Variants in GABRG3 observed in about 807,000 individuals in gnomAD.
GABRG3 encodes gamma-aminobutyric acid receptor subunit gamma-3.
In GABRG3, 25 loss-of-function variants were observed where a neutral mutation model predicts 48.8. The ratio of observed to expected loss-of-function variants is 0.51; its 90% confidence interval spans 0.37 to 0.72. GABRG3 has a LOEUF of 0.72. Among genes scored for constraint, GABRG3 ranks in the 30% least tolerant of loss-of-function variants. The pLI is 0.00. For synonymous variants in GABRG3, 227 were observed against 217.6 expected (o/e 1.04, Z -0.38); for missense variants, 394 against 577.9 (o/e 0.68, Z 3.26).
chr15:27,035,589 C>G (rs148820859), intron 3 of GABRG3, among the ~76,000 whole-genome samples: 87 of 152,276 alleles, frequency 5.7e-4, no homozygotes, highest in African/African-American at 2.0e-3. Context: ...GTTGGGCCCC[C>G]TATTAGCACA....
At chr15:27,263,076 T>G (rs1323094431) in intron 3 of GABRG3, among the ~76,000 whole-genome samples, 1 of 152,114 alleles carries the variant, frequency 6.6e-6, no homozygotes, top group Non-Finnish European at 1.5e-5. Flanking sequence ...CCCACTTAGG[T>G]CAATGCCAGG....
intron 3 of GABRG3, among the ~76,000 whole-genome samples, chr15:27,088,640 A>G (rs1423295852): frequency 6.6e-6 from 1 of 151,882 alleles, no homozygotes; most frequent in Admixed American, 6.6e-5. Flanking sequence ...GGCGAGGGGG[A>G]AGCGGGCTTC....
chr15:27,509,337 G>C (rs924180548), intron 6 of GABRG3, among the ~76,000 whole-genome samples: 5 of 115,784 alleles, frequency 4.3e-5, no homozygotes, highest in African/African-American at 2.0e-4. Flanking sequence ...TTATTTGTTT[G>C]TTTTCTTTTG....
intron 5 of GABRG3, among the ~76,000 whole-genome samples, chr15:27,381,123 C>G (rs1428398138): frequency 6.6e-6 from 1 of 152,052 alleles, no homozygotes; most frequent in Admixed American, 6.6e-5. Flanking sequence ...TGGGCTGTGA[C>G]CTTCATAAAC....
At chr15:27,225,411 G>C (rs1303125422) in intron 3 of GABRG3, among the ~76,000 whole-genome samples, 1 of 152,062 alleles carries the variant, frequency 6.6e-6, no homozygotes, top group East Asian at 1.9e-4. Flanking sequence ...CAATTGTTTA[G>C]TCTGAAGATT....
At chr15:27,126,005 A>T (rs1480187401) in intron 3 of GABRG3, among the ~76,000 whole-genome samples, 2 of 152,248 alleles carry the variant, frequency 1.3e-5, no homozygotes, top group African/African-American at 4.8e-5. Context: ...CATGCAACTC[A>T]GCAGAGATGA....
intron 5 of GABRG3, among the ~76,000 whole-genome samples, chr15:27,374,460 A>G (rs1024957857): frequency 1.3e-4 from 20 of 152,132 alleles, no homozygotes; most frequent in African/African-American, 4.3e-4. Flanking sequence ...CCAATTTGAA[A>G]TTTAGGAATC....
chr15:27,323,984 C>T (rs72703809), intron 3 of GABRG3, among the ~76,000 whole-genome samples: 7 of 152,270 alleles, frequency 4.6e-5, no homozygotes, highest in Admixed American at 1.3e-4. Context: ...TTCACTTCAT[C>T]GTGAGTGATG....
At chr15:27,097,940 CTTTTT>C (rs11305962) in intron 3 of GABRG3, among the ~76,000 whole-genome samples, 2 of 141,802 alleles carry the variant, frequency 1.4e-5, no homozygotes, top group Non-Finnish European at 3.1e-5. Context: ...ATCTATTATT[CTTTTT>C]TTTTTTAAAT....
intron 5 of GABRG3, among the ~76,000 whole-genome samples, chr15:27,342,096 C>T (rs865862873): frequency 1.3e-5 from 2 of 152,300 alleles, no homozygotes; most frequent in Admixed American, 6.5e-5. Context: ...GCCACTGCCA[C>T]GTCATCGCAG....
At chr15:27,026,245 A>G (rs1305525173) in intron 2 of GABRG3, among the ~76,000 whole-genome samples, 1 of 152,142 alleles carries the variant, frequency 6.6e-6, no homozygotes, top group East Asian at 1.9e-4. Flanking sequence ...CTCATTTTTT[A>G]TTGGTGTATA....
intron 3 of GABRG3, among the ~76,000 whole-genome samples, chr15:27,296,674 C>T (rs1037221115): frequency 6.6e-6 from 1 of 152,078 alleles, no homozygotes; most frequent in African/African-American, 2.4e-5. Flanking sequence ...AAGCATTACA[C>T]GGTGTTGGTG....
intron 5 of GABRG3, among the ~76,000 whole-genome samples, chr15:27,450,179 T>C (rs72707636): frequency 0.016 from 2,385 of 152,304 alleles, 43 homozygotes; most frequent in South Asian, 0.083. Context: ...AAGAAAAACC[T>C]GTCTTTTGCA....
Position 26,977,003 on chromosome 15 carries a change from T to C in GABRG3, c.55T>C (p.Ser19Pro). The C allele has an allele frequency of 6.2e-7, 1 of 1,613,852 alleles. No homozygotes were observed. Among genetic ancestry groups the C allele is most frequent in the Non-Finnish European group, 8.5e-7 (1 of 1,179,864 alleles). ...CGCATTTTTGTGCTGTAACTCCAGG[T>C]CCAGAAAGGTGGAAGAGGATGAATA... ...LCLFSGLHAR[S>P]RKVEEDEYED... The change falls in exon 2 of 10, where the codon TCC (serine) becomes CCC (proline). Residue 19 changes from serine to proline, a missense_variant and splice_region_variant. Coordinates refer to ENST00000615808, the MANE Select transcript of GABRG3 (RefSeq NM_033223.5).
At position 27,537,124 on chromosome 15, in the gene GABRG3, T is replaced by TAAAAAA. The variant is rs368101374; in HGVS notation, c.*4259_*4264dup. ...TAAGAAATTTCATCTGCAATTTCTG[T>TAAAAAA]AAAAAAAAAAAAAAAAAAAAAGAAT... On this transcript the variant is annotated 3_prime_UTR_variant, in exon 10 of 10. Coordinates refer to ENST00000615808, the MANE Select transcript of GABRG3 (RefSeq NM_033223.5). 1.7e-5 allele frequency: 2 copies of TAAAAAA among 115,786 alleles called. No homozygotes were observed. Among genetic ancestry groups the TAAAAAA allele is most frequent in the African/African-American group, 2.9e-5 (1 of 34,318 alleles). The allele number at this position is 115,786 out of a possible 1,614,324, so 7.2% of individuals were successfully genotyped here.
At chr15:27,356,168 TATAGTCCTATAAC>T (rs1894831928) in intron 5 of GABRG3, among the ~76,000 whole-genome samples, 1 of 152,178 alleles carries the variant, frequency 6.6e-6, no homozygotes, top group South Asian at 2.1e-4. Context: ...TAATTAATTT[TATAGTCCTATAAC>T]AAATTACACT....
chr15:27,457,345 G>C lies in GABRG3; in HGVS notation c.575-23305G>C, dbSNP rs1036628068. ...GACTAAGTCCTTGCTAGCATTTGAC[G>C]TTTTGTTTTTTGCGTTTGTAGAAAC... is the stretch of plus-strand genomic sequence containing the variant. On this transcript the variant is annotated intron_variant, in intron 5 of 9. Coordinates refer to ENST00000615808, the MANE Select transcript of GABRG3 (RefSeq NM_033223.5). This position sits in a 1 kb window ranked among gnomAD's most constrained non-coding sequence, Gnocchi z 4.4. Among the ~76,000 whole-genome samples, 5 of 152,164 alleles carry C rather than the reference G, an allele frequency of 3.3e-5. No homozygotes were observed. Among genetic ancestry groups the C allele is most frequent in the Non-Finnish European group, 5.9e-5 (4 of 68,018 alleles).
intron 3 of GABRG3, among the ~76,000 whole-genome samples, chr15:27,060,174 C>G (rs2140721786): frequency 6.6e-6 from 1 of 152,328 alleles, no homozygotes; most frequent in African/African-American, 2.4e-5. Flanking sequence ...TTGTCAAGAG[C>G]TTTCCCAGGA....
intron 2 of GABRG3, among the ~76,000 whole-genome samples, chr15:27,008,709 TAAGTTGGAAGG>T (rs1319999357): frequency 4.6e-5 from 7 of 151,942 alleles, no homozygotes; most frequent in Non-Finnish European, 1.0e-4. Context: ...CTCATTTTTT[TAAGTTGGAAGG>T]AAAGGGAAGG....
Sources: gnomAD v4.1 joint callset for allele counts (sites outside exome capture counted in the v4.1 genomes callset) on GRCh38, gnomAD v4.1.1 for gene constraint, Gnocchi (gnomAD v3.1) non-coding constraint, MANE v1.5 for transcripts, NCBI Gene and HGNC (gene_info 2026-07-23, HGNC 2026-07-21) for gene names.